Variants in FRMD4A observed in about 807,000 individuals in gnomAD.
The protein encoded by FRMD4A is FERM domain-containing protein 4A.
Under a neutral mutation model 129.1 loss-of-function variants are expected in FRMD4A, and 29 were observed. The observed-to-expected ratio is 0.22, with a 90% CI of 0.17 to 0.31. The LOEUF (loss-of-function observed/expected upper bound fraction) is 0.31. Among genes scored for constraint, FRMD4A ranks in the 10% least tolerant of loss-of-function variants. The pLI is 1.00. For synonymous variants in FRMD4A, 634 were observed against 571.6 expected, an observed-to-expected ratio of 1.11 and a Z score of -1.56; for missense variants, 1,272 against 1,375.8, an observed-to-expected ratio of 0.92 and a Z score of 1.19.
chr10:13,899,848 CTG>C (rs1402760154), intron 2 of FRMD4A, among the ~76,000 whole-genome samples: 3 of 152,154 alleles, frequency 2.0e-5, no homozygotes, highest in Non-Finnish European at 1.5e-5. Context: ...TCACTATTAA[CTG>C]TGGATGGAGT....
intron 3 of FRMD4A, among the ~76,000 whole-genome samples, chr10:13,856,123 T>C (rs532932060): frequency 5.3e-5 from 8 of 151,886 alleles, no homozygotes; most frequent in Admixed American, 1.3e-4. Flanking sequence ...TATCTATGTA[T>C]AGGTAGTGTG....
intron 2 of FRMD4A, among the ~76,000 whole-genome samples, chr10:14,265,502 CAT>C (rs368605761): frequency 6.6e-6 from 1 of 152,176 alleles, no homozygotes; most frequent in African/African-American, 2.4e-5. Flanking sequence ...AAAAGTAAAT[CAT>C]ATGAATTTTG....
chr10:14,237,274 T>A (rs1843858692), intron 2 of FRMD4A, among the ~76,000 whole-genome samples: 1 of 152,212 alleles, frequency 6.6e-6, no homozygotes, highest in Admixed American at 6.5e-5. Flanking sequence ...TTCTTATACT[T>A]TTTCAGCGGA....
intron 3 of FRMD4A, among the ~76,000 whole-genome samples, chr10:13,850,157 C>T (rs1589021405): frequency 6.6e-6 from 1 of 151,708 alleles, no homozygotes; most frequent in Admixed American, 6.6e-5. Context: ...GCCAGTAAGC[C>T]GAGATTACAC....
intron 2 of FRMD4A, among the ~76,000 whole-genome samples, chr10:14,287,112 T>G: frequency 6.9e-6 from 1 of 144,990 alleles, no homozygotes; most frequent in South Asian, 2.2e-4. Context: ...TATTTCTTCT[T>G]GCTGCCATCT....
At chr10:13,751,770 G>T (rs1293285405) in intron 8 of FRMD4A, among the ~76,000 whole-genome samples, 1 of 152,218 alleles carries the variant, frequency 6.6e-6, no homozygotes, top group African/African-American at 2.4e-5. Flanking sequence ...CAGCACTTTG[G>T]GAGGCCAAGG....
At chr10:14,277,755 C>T (rs1452057212) in intron 2 of FRMD4A, among the ~76,000 whole-genome samples, 2 of 152,220 alleles carry the variant, frequency 1.3e-5, no homozygotes, top group African/African-American at 4.8e-5. Flanking sequence ...GAGTTGCCTA[C>T]TGAAGACACT....
At chr10:14,329,278 G>T (rs774708790) in intron 2 of FRMD4A, among the ~76,000 whole-genome samples, 2 of 152,216 alleles carry the variant, frequency 1.3e-5, no homozygotes, top group Admixed American at 6.5e-5. Context: ...TATTACCGTG[G>T]TGTGTGGGAA....
chr10:14,255,217 C>T (rs1844567217), intron 2 of FRMD4A, among the ~76,000 whole-genome samples: 1 of 152,228 alleles, frequency 6.6e-6, no homozygotes, highest in Non-Finnish European at 1.5e-5. Flanking sequence ...AATCATTCCT[C>T]CCTCTCCTAT....
intron 2 of FRMD4A, among the ~76,000 whole-genome samples, chr10:14,076,013 A>C (rs1191765165): frequency 1.3e-5 from 2 of 152,306 alleles, no homozygotes; most frequent in South Asian, 4.2e-4. Context: ...TGGAACATTG[A>C]CCAGAAGAAC....
intron 3 of FRMD4A, among the ~76,000 whole-genome samples, chr10:13,818,975 A>C (rs1475165428): frequency 6.6e-6 from 1 of 152,120 alleles, no homozygotes; most frequent in Non-Finnish European, 1.5e-5. Context: ...AAAATACAAA[A>C]AAATTAGCTG....
At chr10:14,051,164 T>C (rs934752190) in intron 2 of FRMD4A, among the ~76,000 whole-genome samples, 3 of 152,230 alleles carry the variant, frequency 2.0e-5, no homozygotes, top group African/African-American at 7.2e-5. Context: ...CAAAATGCAG[T>C]ATCTAGCCTT....
At chr10:14,249,558 A>C (rs1289272188) in intron 2 of FRMD4A, among the ~76,000 whole-genome samples, 1 of 152,096 alleles carries the variant, frequency 6.6e-6, no homozygotes, top group Non-Finnish European at 1.5e-5. Flanking sequence ...CCTTTCCAGA[A>C]CTTCAGTCAG....
intron 2 of FRMD4A, among the ~76,000 whole-genome samples, chr10:13,911,454 C>T (rs572821910): frequency 6.6e-6 from 1 of 152,254 alleles, no homozygotes; most frequent in Non-Finnish European, 1.5e-5. Context: ...GATTGACTAG[C>T]AAATCAGAGT....
At chr10:13,797,745 G>A (rs1414054684) in intron 4 of FRMD4A, among the ~76,000 whole-genome samples, 1 of 152,170 alleles carries the variant, frequency 6.6e-6, no homozygotes, top group Non-Finnish European at 1.5e-5. Context: ...AATGCTGTGT[G>A]GCATGTGTGC....
Position 14,039,467 on chromosome 10 carries a change from T to A in FRMD4A, c.46-180555A>T, listed in dbSNP as rs199603111. Among the ~76,000 whole-genome samples, 254 of 64,880 alleles carry A rather than the reference T, an allele frequency of 3.9e-3. 1 individual carries two copies. Among genetic ancestry groups the A allele is most frequent in the South Asian group, 0.034 (75 of 2,202 alleles). 42.6% of individuals were successfully genotyped at this position (64,880 alleles called of 152,430 possible). On this transcript the variant is annotated intron_variant, in intron 2 of 24. Coordinates refer to ENST00000357447, the MANE Select transcript of FRMD4A (RefSeq NM_018027.5). ...CCCAAAATCAATCAATCTATCTATCTATCTATCTATCTATCTATCTATCTA... is the reference window on the plus strand; with the variant it reads ...CCCAAAATCAATCAATCTATCTATCAATCTATCTATCTATCTATCTATCTA...
intron 2 of FRMD4A, among the ~76,000 whole-genome samples, chr10:13,942,697 G>A (rs2095301863): frequency 6.6e-6 from 1 of 152,178 alleles, no homozygotes; most frequent in African/African-American, 2.4e-5. Flanking sequence ...CACTTTAGGA[G>A]GCTGAGGCTG....
chr10:14,273,797 T>C (rs1845245204), intron 2 of FRMD4A, among the ~76,000 whole-genome samples: 2 of 152,030 alleles, frequency 1.3e-5, no homozygotes, highest in South Asian at 2.1e-4. Flanking sequence ...TTGATAAAAA[T>C]TGATGGATAT....
intron 2 of FRMD4A, among the ~76,000 whole-genome samples, chr10:13,893,587 A>G (rs556739498): frequency 8.5e-5 from 13 of 152,048 alleles, no homozygotes; most frequent in Admixed American, 2.0e-4. Flanking sequence ...CAGTGGCACA[A>G]TCTCGGCTCA....
Sources: gnomAD v4.1 joint callset for allele counts (sites outside exome capture counted in the v4.1 genomes callset) on GRCh38, gnomAD v4.1.1 for gene constraint, MANE v1.5 for transcripts, NCBI Gene and HGNC (gene_info 2026-07-23, HGNC 2026-07-21) for gene names.